VPS13A: variants seen among roughly 807,000 people sequenced by gnomAD.
The protein encoded by VPS13A is vacuolar protein sorting 13 homolog A.
In VPS13A, 264 loss-of-function variants were observed where a neutral mutation model predicts 390.9. That is an observed-to-expected ratio of 0.68 (90% CI 0.61 to 0.75). The LOEUF is 0.75. VPS13A is among the 30% of genes least tolerant of loss of function. The pLI, the probability that VPS13A is intolerant of heterozygous loss-of-function variation, is 0.00. For missense variants in VPS13A, 3,409 were observed against 3,733.9 expected (o/e 0.91, Z 2.27); for synonymous variants, 1,231 against 1,227.1 (o/e 1.00, Z -0.07).
chr9:77,368,022 T>A (rs937872833), intron 61 of VPS13A, 33 bp from the exon 62 acceptor site: 6 of 1,568,360 alleles, frequency 3.8e-6, no homozygotes, highest in Non-Finnish European at 5.2e-6. Flanking sequence ...TTCATACACA[T>A]GTACAGACAA....
Position 77,228,261 on chromosome 9 carries a change from TA to T in VPS13A, c.1595del (p.Lys532AsnfsTer6). ...GTGCAAAGACCAGGAGCACAAGCAA[TA>T]AAGTAAGTATTAATTTATCTTTTTT... ...LIVQRPGAQA[I>X]KFETKIDSFH... On this transcript the variant is annotated frameshift_variant and splice_region_variant, in exon 17 of 72. Coordinates refer to ENST00000360280, the MANE Select transcript of VPS13A (RefSeq NM_033305.3). LOFTEE classifies it high-confidence loss of function. The T allele has an allele frequency of 6.3e-7, 1 of 1,588,978 alleles. No individual in the cohort carries two copies. Among genetic ancestry groups the T allele is most frequent in the Non-Finnish European group, 8.6e-7 (1 of 1,166,484 alleles).
At chr9:77,273,904 CT>C (rs1355278731) in intron 24 of VPS13A, among the ~76,000 whole-genome samples, 1 of 152,126 alleles carries the variant, frequency 6.6e-6, no homozygotes, top group African/African-American at 2.4e-5. Flanking sequence ...GTCTTCAGAG[CT>C]TTTCCTGTGT....
chr9:77,383,015 CATT>C, intron 68 of VPS13A: 1 of 985,138 alleles, frequency 1.0e-6, no homozygotes, highest in Non-Finnish European at 1.2e-6. Context: ...AACAAGGAAT[CATT>C]ATGTTATGTA....
intron 33 of VPS13A, among the ~76,000 whole-genome samples, chr9:77,302,562 G>A (rs766593160): frequency 1.1e-4 from 17 of 151,432 alleles, no homozygotes; most frequent in Middle Eastern, 3.5e-3. Flanking sequence ...TAGTAGAGAT[G>A]GGGTTTCACC....
intron 50 of VPS13A, among the ~76,000 whole-genome samples, chr9:77,343,660 A>C (rs1270967442): frequency 6.6e-6 from 1 of 152,158 alleles, no homozygotes; most frequent in African/African-American, 2.4e-5. Context: ...CCTACTCTGA[A>C]CTTTGAATAC....
chr9:77,246,883 A>G (rs1418782163), intron 19 of VPS13A, among the ~76,000 whole-genome samples: 1 of 152,168 alleles, frequency 6.6e-6, no homozygotes, highest in East Asian at 1.9e-4. Flanking sequence ...ATTGTTCAGT[A>G]TGGTAAATGT....
intron 1 of VPS13A, among the ~76,000 whole-genome samples, chr9:77,187,089 C>T (rs768395309): frequency 3.9e-5 from 6 of 152,058 alleles, no homozygotes; most frequent in Non-Finnish European, 8.8e-5. Context: ...AAATAGTATC[C>T]CATTGTATGT....
chr9:77,189,285 G>A (rs751897960), intron 1 of VPS13A, among the ~76,000 whole-genome samples: 1 of 152,012 alleles, frequency 6.6e-6, no homozygotes, highest in African/African-American at 2.4e-5. Flanking sequence ...GTTGATTGTT[G>A]TATATGGTGA....
At chr9:77,200,721 A>AT (rs917537011) in intron 2 of VPS13A, among the ~76,000 whole-genome samples, 8 of 152,098 alleles carry the variant, frequency 5.3e-5, no homozygotes, top group African/African-American at 1.7e-4. Flanking sequence ...AGACTAGTTC[A>AT]TTTTTTTAAT....
chr9:77,178,020 C>T, intron 1 of VPS13A: 1 of 540,006 alleles, frequency 1.9e-6, no homozygotes, highest in South Asian at 2.0e-5. Flanking sequence ...AGGAGAGGGT[C>T]ATGAGTGCGG....
At chr9:77,188,098 A>G (rs1057188805) in intron 1 of VPS13A, among the ~76,000 whole-genome samples, 10 of 151,954 alleles carry the variant, frequency 6.6e-5, no homozygotes, top group South Asian at 6.2e-4. Flanking sequence ...GCACCTCCCT[A>G]TGCACTCCCC....
intron 17 of VPS13A, among the ~76,000 whole-genome samples, chr9:77,231,286 G>A (rs1347397613): frequency 6.6e-6 from 1 of 152,004 alleles, no homozygotes; most frequent in African/African-American, 2.4e-5. Flanking sequence ...TTATGAGAGT[G>A]GGCTTCTCTT....
rs189740045 is a variant in VPS13A, at chr9:77,307,738, A to G, written c.3961-207A>G. Among the ~76,000 whole-genome samples, 674 of 152,334 alleles carry G rather than the reference A, an allele frequency of 4.4e-3. 8 individuals carry two copies. The highest frequency in any genetic ancestry group is 0.015 in the African/African-American group (635 of 41,578). On this transcript the variant is annotated intron_variant, in intron 34 of 71. Coordinates refer to ENST00000360280, the MANE Select transcript of VPS13A (RefSeq NM_033305.3). Reference sequence around the variant, plus strand: ...CTTTATTCATAACTTCATTGGTATTAACACCTAATTTAGTTCTATATTTCA... The same window carrying G: ...CTTTATTCATAACTTCATTGGTATTGACACCTAATTTAGTTCTATATTTCA...
chr9:77,406,819 C>CCTTTA (rs1834633936), intron 70 of VPS13A, among the ~76,000 whole-genome samples: 1 of 151,798 alleles, frequency 6.6e-6, no homozygotes, highest in African/African-American at 2.4e-5. Context: ...ACTAGTAAAA[C>CCTTTA]CTTTACTTTG....
intron 53 of VPS13A, 60 bp downstream of exon 53, chr9:77,351,506 G>C (rs942907632): frequency 6.3e-7 from 1 of 1,589,624 alleles, no homozygotes; most frequent in Non-Finnish European, 8.6e-7. Context: ...TATTTGGGCC[G>C]GGTGCGGTGG....
At position 77,346,254 on chromosome 9, in the gene VPS13A, T is replaced by C. The variant is rs149790621; in HGVS notation, c.7289+1112T>C. 7.9e-3 allele frequency among the ~76,000 whole-genome samples: 1,201 copies of C among 152,256 alleles called. 9 individuals are homozygous for C. The highest frequency in any genetic ancestry group is 0.013 in the African/African-American group (534 of 41,554). ...TCTCATTGTGGTTTTAATTTGCATT[T>C]CCCTCATAATTAGTGATGCTGAGCT... On this transcript the variant is annotated intron_variant, in intron 52 of 71. Coordinates refer to ENST00000360280, the MANE Select transcript of VPS13A (RefSeq NM_033305.3).
chr9:77,262,436 T>C (rs907232693), intron 23 of VPS13A, among the ~76,000 whole-genome samples: 4 of 152,044 alleles, frequency 2.6e-5, no homozygotes, highest in Admixed American at 6.6e-5. Flanking sequence ...TAAAGAAGGT[T>C]TTTTTTTATT....
At chr9:77,363,404 A>ATT (rs61370510) in intron 59 of VPS13A, among the ~76,000 whole-genome samples, 4 of 78,350 alleles carry the variant, frequency 5.1e-5, no homozygotes, top group East Asian at 4.4e-4. Context: ...TTTTTTTTTT[A>ATT]TTTTTTTTTT....
intron 10 of VPS13A, among the ~76,000 whole-genome samples, chr9:77,218,174 C>T (rs1191372651): frequency 2.2e-5 from 3 of 137,124 alleles, no homozygotes; most frequent in Non-Finnish European, 3.0e-5. Flanking sequence ...AGTGCAGTGG[C>T]GCAATCTTGG....
Sources: gnomAD v4.1 joint callset for allele counts (sites outside exome capture counted in the v4.1 genomes callset) on GRCh38, gnomAD v4.1.1 for gene constraint, MANE v1.5 for transcripts, NCBI Gene and HGNC (gene_info 2026-07-23, HGNC 2026-07-21) for gene names.